The following CDH18 variants were observed in gnomAD, a reference collection of about 807,000 sequenced individuals.
The protein encoded by CDH18 is cadherin-18.
CDH18 carries 31 observed loss-of-function variants against 67.9 expected under a neutral mutation model. That is an observed-to-expected ratio of 0.46 (90% CI 0.34 to 0.62). The LOEUF (loss-of-function observed/expected upper bound fraction) is 0.62, where lower values mean the gene tolerates loss of function less well. Ranked by LOEUF, CDH18 falls within the 20% of genes least tolerant of loss-of-function variation. The pLI is 0.01. For missense variants in CDH18, 890 were observed against 975.5 expected, an observed-to-expected ratio of 0.91 and a Z score of 1.17; for synonymous variants, 362 against 347.2, an observed-to-expected ratio of 1.04 and a Z score of -0.48.
chr5:19,998,416 C>A (rs946334250), intron 2 of CDH18, among the ~76,000 whole-genome samples: 2 of 152,030 alleles, frequency 1.3e-5, no homozygotes, highest in African/African-American at 4.8e-5. Context: ...GCATTTGTAT[C>A]GTCAGGGAGG....
At chr5:19,892,530 T>G (rs996510415) in intron 2 of CDH18, among the ~76,000 whole-genome samples, 2 of 152,144 alleles carry the variant, frequency 1.3e-5, no homozygotes, top group African/African-American at 4.8e-5. Flanking sequence ...AATCCTCATG[T>G]GCATTTCCTC....
At chr5:19,966,169 A>G (rs1180126623) in intron 2 of CDH18, among the ~76,000 whole-genome samples, 2 of 152,186 alleles carry the variant, frequency 1.3e-5, no homozygotes, top group East Asian at 3.8e-4. Context: ...GAAACCTGGT[A>G]TATCAGTGGA....
intron 2 of CDH18, among the ~76,000 whole-genome samples, chr5:19,912,095 A>G (rs190006573): frequency 6.6e-6 from 1 of 152,194 alleles, no homozygotes; most frequent in Non-Finnish European, 1.5e-5. Flanking sequence ...CCAGGTAATA[A>G]TTAAAGACAT....
intron 2 of CDH18, among the ~76,000 whole-genome samples, chr5:19,965,222 A>G (rs1797309895): frequency 6.6e-6 from 1 of 152,196 alleles, no homozygotes. Context: ...AAGCATAACA[A>G]TGCCATAAGC....
At chr5:20,456,598 AG>A (rs1252201348) in intron 1 of CDH18, among the ~76,000 whole-genome samples, 1 of 152,178 alleles carries the variant, frequency 6.6e-6, no homozygotes, top group Non-Finnish European at 1.5e-5. Flanking sequence ...TTTCTCTCAA[AG>A]GGAAAACAGT....
chr5:19,740,540 G>A (rs1015774299), intron 4 of CDH18, among the ~76,000 whole-genome samples: 4 of 152,044 alleles, frequency 2.6e-5, no homozygotes, highest in Admixed American at 2.6e-4. Context: ...AAAGAGATAC[G>A]ATACACACAA....
chr5:19,489,239 C>CT (rs796445512), intron 11 of CDH18, among the ~76,000 whole-genome samples: 224 of 139,614 alleles, frequency 1.6e-3, no homozygotes, highest in Middle Eastern at 7.6e-3. Context: ...AGTGTTTGTT[C>CT]TTTTTTTTTT....
At chr5:20,152,654 T>G (rs1484592638) in intron 2 of CDH18, among the ~76,000 whole-genome samples, 1 of 152,112 alleles carries the variant, frequency 6.6e-6, no homozygotes, top group African/African-American at 2.4e-5. Flanking sequence ...CTAGTAAAAT[T>G]CTTATTAAAT....
intron 7 of CDH18, among the ~76,000 whole-genome samples, chr5:19,590,732 T>G (rs937243959): frequency 1.3e-5 from 2 of 152,122 alleles, no homozygotes; most frequent in African/African-American, 4.8e-5. Context: ...TTCTTTGCAC[T>G]TCACTGAAAT....
intron 1 of CDH18, among the ~76,000 whole-genome samples, chr5:20,526,753 G>A (rs909570320): frequency 3.3e-5 from 5 of 152,006 alleles, no homozygotes; most frequent in Admixed American, 3.3e-4. Flanking sequence ...GCCATCCAAA[G>A]GTCAGCAGCT....
At chr5:20,328,727 G>T (rs1368461289) in intron 1 of CDH18, among the ~76,000 whole-genome samples, 2 of 152,118 alleles carry the variant, frequency 1.3e-5, no homozygotes, top group East Asian at 1.9e-4. Context: ...AGGCATGGTG[G>T]CTCACACCTG....
intron 5 of CDH18, among the ~76,000 whole-genome samples, chr5:19,622,151 C>T (rs993874258): frequency 6.6e-6 from 1 of 152,170 alleles, no homozygotes; most frequent in Non-Finnish European, 1.5e-5. Context: ...CAGAAGCAGC[C>T]TCTCCTGGCC....
intron 3 of CDH18, among the ~76,000 whole-genome samples, chr5:19,820,314 C>T (rs1185480483): frequency 6.6e-6 from 1 of 152,152 alleles, no homozygotes; most frequent in East Asian, 1.9e-4. Context: ...TGGCACAAAA[C>T]TAGCTGTTCA....
chr5:19,773,114 T>A (rs1041456190), intron 3 of CDH18, among the ~76,000 whole-genome samples: 7 of 152,250 alleles, frequency 4.6e-5, no homozygotes, highest in African/African-American at 7.2e-5. Context: ...GGGATTCTTA[T>A]CTCTGTTTCA....
intron 2 of CDH18, among the ~76,000 whole-genome samples, chr5:20,183,625 T>C (rs924902472): frequency 2.6e-5 from 4 of 152,132 alleles, no homozygotes; most frequent in African/African-American, 9.6e-5. Context: ...ATTTTATGAT[T>C]TGTATATTCA....
chr5:19,568,295 G>C (rs1740785724), intron 8 of CDH18, among the ~76,000 whole-genome samples: 1 of 152,090 alleles, frequency 6.6e-6, no homozygotes, highest in Non-Finnish European at 1.5e-5. Context: ...GGCATGTGGA[G>C]GTACAAACTT....
intron 10 of CDH18, among the ~76,000 whole-genome samples, chr5:19,510,574 C>A (rs1024694064): frequency 6.6e-6 from 1 of 152,086 alleles, no homozygotes; most frequent in Non-Finnish European, 1.5e-5. Context: ...AATCAACTTA[C>A]AAAACTTAAT....
chr5:20,256,082 A>C (rs1003448350), intron 1 of CDH18, among the ~76,000 whole-genome samples: 6 of 152,000 alleles, frequency 3.9e-5, no homozygotes, highest in Non-Finnish European at 5.9e-5. Context: ...TTGTTCTAGA[A>C]TTGTGACTAT....
intron 1 of CDH18, among the ~76,000 whole-genome samples, chr5:20,525,826 A>C (rs1026831710): frequency 2.1e-5 from 3 of 140,188 alleles, no homozygotes; most frequent in African/African-American, 7.5e-5. Flanking sequence ...ACACACACAC[A>C]CACACATTGA....
Sources: gnomAD v4.1 joint callset for allele counts (sites outside exome capture counted in the v4.1 genomes callset) on GRCh38, gnomAD v4.1.1 for gene constraint, MANE v1.5 for transcripts, NCBI Gene and HGNC (gene_info 2026-07-23, HGNC 2026-07-21) for gene names.